CCDC102B: variants seen among roughly 807,000 people sequenced by gnomAD.
CCDC102B encodes the protein coiled-coil domain containing 102B.
In CCDC102B, 75 loss-of-function variants were observed where a neutral mutation model predicts 57.4. The ratio of observed to expected loss-of-function variants is 1.31; its 90% CI spans 1.08 to 1.58. The LOEUF is 1.58. Ranked by LOEUF, CCDC102B falls within the 40% of genes most tolerant of loss-of-function variation. The pLI is 0.00. For synonymous variants in CCDC102B, 206 were observed against 201.9 expected (o/e 1.02, Z -0.17); for missense variants, 636 against 582.6 (o/e 1.09, Z -0.94).
intron 6 of CCDC102B, among the ~76,000 whole-genome samples, chr18:68,946,284 A>G (rs910780938): frequency 6.6e-6 from 1 of 152,076 alleles, no homozygotes; most frequent in East Asian, 1.9e-4. Context: ...AGCAACACGT[A>G]TTCATATAAA....
intron 5 of CCDC102B, among the ~76,000 whole-genome samples, chr18:68,886,869 G>A (rs746454761): frequency 1.3e-5 from 2 of 151,944 alleles, no homozygotes; most frequent in Non-Finnish European, 2.9e-5. Flanking sequence ...CCAGCAAAGT[G>A]ATTCTATATT....
chr18:68,997,821 A>G (rs2051071870), intron 6 of CCDC102B, among the ~76,000 whole-genome samples: 1 of 130,092 alleles, frequency 7.7e-6, no homozygotes, highest in African/African-American at 2.6e-5. Context: ...TATTAATTTA[A>G]TTATAATTTA....
chr18:68,743,224 TAAATAAATAAATA>T, intron 2 of CCDC102B, among the ~76,000 whole-genome samples: 2 of 144,734 alleles, frequency 1.4e-5, no homozygotes, highest in Non-Finnish European at 3.1e-5. Context: ...AATAAATAAA[TAAATAAATAAATA>T]AATAAATAAA....
At position 68,846,560 on chromosome 18, in the gene CCDC102B, C is replaced by T. The variant is rs377291874; in HGVS notation, c.936+139C>T. ...TGGAATTTCCTCTATAAGAGTAATA[C>T]TTGAAATCACTTGTCAATAGTGGGC... On this transcript the variant is annotated intron_variant, in intron 4 of 7. Coordinates refer to ENST00000360242, the MANE Select transcript of CCDC102B (RefSeq NM_024781.3). 775 of 464,584 alleles carry T rather than the reference C, an allele frequency of 1.7e-3. 3 individuals are homozygous for T. The highest frequency in any genetic ancestry group is 2.1e-3 in the Non-Finnish European group (546 of 259,406). The allele number at this position is 464,584 out of a possible 1,614,324, so 28.8% of individuals were successfully genotyped here.
chr18:69,048,222 G>GTGT (rs1555677696), intron 7 of CCDC102B, among the ~76,000 whole-genome samples: 89 of 147,582 alleles, frequency 6.0e-4, no homozygotes, highest in African/African-American at 2.1e-3. Context: ...GTGTGTGTGT[G>GTGT]TTTTTTTTTT....
intron 6 of CCDC102B, among the ~76,000 whole-genome samples, chr18:68,962,502 G>A (rs779385854): frequency 1.3e-5 from 2 of 151,730 alleles, no homozygotes; most frequent in Non-Finnish European, 2.9e-5. Context: ...GCTTATATTT[G>A]AAAAAATATT....
At chr18:68,920,066 G>A (rs1306294158) in intron 6 of CCDC102B, among the ~76,000 whole-genome samples, 2 of 152,026 alleles carry the variant, frequency 1.3e-5, no homozygotes, top group Non-Finnish European at 2.9e-5. Context: ...CATCACCCAG[G>A]TATTGCACCT....
intron 6 of CCDC102B, among the ~76,000 whole-genome samples, chr18:69,002,450 C>T (rs2051228406): frequency 6.6e-6 from 1 of 152,120 alleles, no homozygotes. Flanking sequence ...TCAGGATGAG[C>T]GCCAAATGTT....
chr18:68,733,496 ATATATATATATTTT>A lies in CCDC102B; in HGVS notation c.-67+16904_-67+16917del, dbSNP rs1337416311. Among the ~76,000 whole-genome samples the A allele has an allele frequency of 1.4e-4, 13 of 90,520 alleles. 1 individual carries two copies. Among genetic ancestry groups the A allele is most frequent in the Non-Finnish European group, 2.5e-4 (12 of 47,768 alleles). 59.4% of individuals were successfully genotyped at this position (90,520 alleles called of 152,430 possible). On this transcript the variant is annotated intron_variant, in intron 2 of 3. Coordinates refer to the CCDC102B transcript ENST00000578970. ...GACAACTTTATATATATATATATAT[ATATATATATATTTT>A]TTTAACTTAAGCATGCTTTAAGAAG...
At chr18:68,916,889 G>T (rs578253622) in intron 6 of CCDC102B, among the ~76,000 whole-genome samples, 1 of 152,194 alleles carries the variant, frequency 6.6e-6, no homozygotes, top group Admixed American at 6.5e-5. Context: ...TTTGCAGAGG[G>T]CCCAAGGTCT....
chr18:68,915,985 G>A (rs1376969405), intron 6 of CCDC102B, among the ~76,000 whole-genome samples: 1 of 152,078 alleles, frequency 6.6e-6, no homozygotes, highest in East Asian at 1.9e-4. Flanking sequence ...GGAATATTAA[G>A]CCTTATTTTT....
chr18:68,816,626 T>C (rs1257857915), intron 1 of CCDC102B, among the ~76,000 whole-genome samples: 3 of 152,008 alleles, frequency 2.0e-5, no homozygotes, highest in Admixed American at 6.6e-5. Flanking sequence ...CCACCATGCC[T>C]GGCTAATTTT....
chr18:68,736,165 G>A (rs973934394), intron 2 of CCDC102B, among the ~76,000 whole-genome samples: 2 of 152,082 alleles, frequency 1.3e-5, no homozygotes, highest in Non-Finnish European at 2.9e-5. Context: ...AATAAATATA[G>A]GGAATAACAA....
At chr18:68,837,593 G>T (rs931377844) in intron 2 of CCDC102B, among the ~76,000 whole-genome samples, 6 of 152,230 alleles carry the variant, frequency 3.9e-5, no homozygotes, top group Middle Eastern at 3.4e-3. Flanking sequence ...TTCTTCTGAG[G>T]CCTCTCTCCT....
intron 6 of CCDC102B, among the ~76,000 whole-genome samples, chr18:68,940,093 A>G (rs1441608964): frequency 6.6e-6 from 1 of 151,730 alleles, no homozygotes; most frequent in Non-Finnish European, 1.5e-5. Context: ...TCTGGAGATT[A>G]GGGCAATACA....
At chr18:68,808,468 CTTTT>C (rs1157601164) in intron 1 of CCDC102B, among the ~76,000 whole-genome samples, 3 of 91,782 alleles carry the variant, frequency 3.3e-5, no homozygotes, top group East Asian at 3.5e-4. Flanking sequence ...GCTTTTACTA[CTTTT>C]TTTTTTTTTT....
At chr18:68,780,057 A>C (rs559532898) in intron 2 of CCDC102B, among the ~76,000 whole-genome samples, 1 of 152,196 alleles carries the variant, frequency 6.6e-6, no homozygotes, top group African/African-American at 2.4e-5. Flanking sequence ...ACAATTATCT[A>C]CTTTCTATCC....
intron 6 of CCDC102B, among the ~76,000 whole-genome samples, chr18:69,010,071 A>C (rs1345401696): frequency 3.0e-4 from 44 of 145,628 alleles, no homozygotes; most frequent in African/African-American, 1.1e-3. Context: ...AGCTGGGACT[A>C]CAGGCGTCCG....
chr18:68,782,953 T>C lies in CCDC102B; in HGVS notation c.-66-40413T>C, dbSNP rs1292344827. Among the ~76,000 whole-genome samples the C allele has an allele frequency of 2.0e-5, 3 of 152,184 alleles. 1 individual carries two copies. The highest frequency in any genetic ancestry group is 4.4e-5 in the Non-Finnish European group (3 of 68,042). On this transcript the variant is annotated intron_variant, in intron 2 of 3. Transcript: ENST00000578970. ...TGAATGTATGCCATTATTATTATTA[T>C]TGTTACTATTGTTATTATACCTGCC... is the stretch of plus-strand genomic sequence containing the variant.
Sources: gnomAD v4.1 joint callset for allele counts (sites outside exome capture counted in the v4.1 genomes callset) on GRCh38, gnomAD v4.1.1 for gene constraint, MANE v1.5 for transcripts, NCBI Gene and HGNC (gene_info 2026-07-23, HGNC 2026-07-21) for gene names.